The following NOL4 variants were observed in gnomAD, a reference collection of about 807,000 sequenced individuals.
NOL4 encodes the protein cancer/testis antigen 125.
Under a neutral mutation model 75.9 loss-of-function variants are expected in NOL4, and 17 were observed. The ratio of observed to expected loss-of-function variants is 0.22; its 90% CI spans 0.15 to 0.34. The LOEUF is 0.34. Among genes scored for constraint, NOL4 ranks in the 10% least tolerant of loss-of-function variants. The pLI is 1.00. For missense variants in NOL4, 614 were observed against 793.5 expected (o/e 0.77, Z 2.72); for synonymous variants, 292 against 289.9 (o/e 1.01, Z -0.07).
intron 2 of NOL4, among the ~76,000 whole-genome samples, chr18:34,117,818 G>A (rs1351049948): frequency 6.6e-6 from 1 of 152,208 alleles, no homozygotes; most frequent in Non-Finnish European, 1.5e-5. Context: ...CAGCAGAGAA[G>A]CCATTCTTGG....
At chr18:33,858,991 T>G (rs2062966593) in intron 10 of NOL4, among the ~76,000 whole-genome samples, 1 of 152,086 alleles carries the variant, frequency 6.6e-6, no homozygotes, top group Non-Finnish European at 1.5e-5. Context: ...CTTTTATTTT[T>G]TAAAATTTCT....
chr18:34,208,767 C>A (rs933694125), intron 1 of NOL4, among the ~76,000 whole-genome samples: 1 of 152,056 alleles, frequency 6.6e-6, no homozygotes, highest in Non-Finnish European at 1.5e-5. Context: ...GAGGCTGAGG[C>A]AGGAGAATCA....
chr18:34,085,042 A>G (rs1375563590), intron 5 of NOL4, among the ~76,000 whole-genome samples: 2 of 152,220 alleles, frequency 1.3e-5, no homozygotes, highest in Non-Finnish European at 2.9e-5. Context: ...AAAAACAAAA[A>G]TAGACAAAAA....
chr18:33,912,600 C>T (rs1221729969), intron 9 of NOL4, among the ~76,000 whole-genome samples: 2 of 151,868 alleles, frequency 1.3e-5, no homozygotes. Flanking sequence ...GCCTTTTGTT[C>T]CTTTGTTCTT....
At chr18:33,986,636 G>A (rs536091452) in intron 6 of NOL4, among the ~76,000 whole-genome samples, 1 of 152,192 alleles carries the variant, frequency 6.6e-6, no homozygotes, top group South Asian at 2.1e-4. Context: ...CAAAGATCGG[G>A]GGACTACTGT....
intron 6 of NOL4, among the ~76,000 whole-genome samples, chr18:33,970,550 A>G (rs1242069500): frequency 1.4e-4 from 22 of 152,218 alleles, no homozygotes; most frequent in Admixed American, 1.4e-3. Context: ...TATAAAATTA[A>G]GGCCTATAAT....
chr18:34,117,604 G>A (rs1264056578), intron 2 of NOL4, among the ~76,000 whole-genome samples: 3 of 152,084 alleles, frequency 2.0e-5, no homozygotes, highest in Non-Finnish European at 4.4e-5. Flanking sequence ...ACAACACAGA[G>A]CTCCGCCTGG....
At chr18:34,079,918 T>C (rs2077924833) in intron 5 of NOL4, among the ~76,000 whole-genome samples, 1 of 152,210 alleles carries the variant, frequency 6.6e-6, no homozygotes, top group South Asian at 2.1e-4. Context: ...GCCAAGCAAT[T>C]GATTGTTGTT....
intron 5 of NOL4, among the ~76,000 whole-genome samples, chr18:34,070,217 G>A (rs1350656127): frequency 6.6e-6 from 1 of 152,140 alleles, no homozygotes; most frequent in Non-Finnish European, 1.5e-5. Flanking sequence ...ATTTTTAGTA[G>A]AGACGGGGTT....
chr18:34,134,495 CAT>C (rs2080810696), intron 1 of NOL4, among the ~76,000 whole-genome samples: 1 of 128,462 alleles, frequency 7.8e-6, no homozygotes, highest in Non-Finnish European at 1.7e-5. Flanking sequence ...CACACACACA[CAT>C]TGATGAAGCA....
intron 2 of NOL4, among the ~76,000 whole-genome samples, chr18:34,125,001 G>T (rs568987913): frequency 1.3e-5 from 2 of 151,918 alleles, no homozygotes; most frequent in Non-Finnish European, 2.9e-5. Flanking sequence ...TCTCACTCCT[G>T]ACTTAAGTTA....
At chr18:34,009,343 T>C (rs554686231) in intron 6 of NOL4, among the ~76,000 whole-genome samples, 120 of 152,056 alleles carry the variant, frequency 7.9e-4, no homozygotes, top group African/African-American at 2.8e-3. Flanking sequence ...AACTAGTATT[T>C]GCTAGCTTAA....
intron 2 of NOL4, among the ~76,000 whole-genome samples, chr18:34,115,809 G>A (rs188939583): frequency 1.3e-5 from 2 of 152,168 alleles, no homozygotes; most frequent in African/African-American, 2.4e-5. Context: ...GTGTGTCCAC[G>A]TTCTTGATTT....
chr18:33,936,787 C>CT (rs2145487137), intron 9 of NOL4, among the ~76,000 whole-genome samples: 1 of 152,180 alleles, frequency 6.6e-6, no homozygotes, highest in African/African-American at 2.4e-5. Flanking sequence ...AACTTTCTAC[C>CT]TTAATCAGTC....
chr18:34,130,946 T>C (rs1489590224), intron 1 of NOL4, among the ~76,000 whole-genome samples: 1 of 152,016 alleles, frequency 6.6e-6, no homozygotes, highest in African/African-American at 2.4e-5. Context: ...AGAGTTTTCA[T>C]GGATAATAGA....
At chr18:34,038,366 T>C (rs2076002472) in intron 5 of NOL4, among the ~76,000 whole-genome samples, 1 of 152,124 alleles carries the variant, frequency 6.6e-6, no homozygotes, top group Non-Finnish European at 1.5e-5. Flanking sequence ...AACTACCATA[T>C]GATCCAGCAA....
intron 1 of NOL4, among the ~76,000 whole-genome samples, chr18:34,141,728 C>T (rs1461555871): frequency 2.6e-5 from 4 of 152,150 alleles, no homozygotes; most frequent in African/African-American, 9.7e-5. Flanking sequence ...ACCATGAAAA[C>T]CTTAGAAGAA....
chr18:33,985,963 T>A (rs1405841274), intron 6 of NOL4, among the ~76,000 whole-genome samples: 1 of 152,074 alleles, frequency 6.6e-6, no homozygotes, highest in Non-Finnish European at 1.5e-5. Flanking sequence ...GAATAAATAA[T>A]CACTAGAAAT....
At chr18:34,045,464 C>T (rs2076323583) in intron 5 of NOL4, among the ~76,000 whole-genome samples, 1 of 152,080 alleles carries the variant, frequency 6.6e-6, no homozygotes, top group Non-Finnish European at 1.5e-5. Context: ...TTCACAAATG[C>T]CCATTGACCC....
Sources: gnomAD v4.1 joint callset for allele counts (sites outside exome capture counted in the v4.1 genomes callset) on GRCh38, gnomAD v4.1.1 for gene constraint, MANE v1.5 for transcripts, NCBI Gene and HGNC (gene_info 2026-07-23, HGNC 2026-07-21) for gene names.